The following DNAH7 variants were observed in gnomAD, a reference collection of about 807,000 sequenced individuals.
DNAH7 encodes axonemal beta dynein heavy chain 7.
A neutral mutation model predicts 444.6 loss-of-function variants in DNAH7; 397 were observed. The observed-to-expected ratio is 0.89, with a 90% confidence interval of 0.82 to 0.97. The LOEUF (loss-of-function observed/expected upper bound fraction) is 0.97. Ranked by LOEUF, DNAH7 falls within the 50% of genes least tolerant of loss-of-function variation. The pLI is 0.00. For synonymous variants in DNAH7, 1,636 were observed against 1,624.4 expected, an observed-to-expected ratio of 1.01 and a Z score of -0.17; for missense variants, 4,902 against 4,800.8, an observed-to-expected ratio of 1.02 and a Z score of -0.62.
At chr2:196,027,226 T>C (rs1695745388) in intron 6 of DNAH7, among the ~76,000 whole-genome samples, 1 of 152,030 alleles carries the variant, frequency 6.6e-6, no homozygotes, top group South Asian at 2.1e-4. Flanking sequence ...GCTGAATTAG[T>C]GTTTTGTTAA....
intron 55 of DNAH7, among the ~76,000 whole-genome samples, chr2:195,798,200 G>A (rs922901825): frequency 2.0e-5 from 3 of 151,942 alleles, no homozygotes; most frequent in African/African-American, 7.3e-5. Flanking sequence ...TGGCCTTTGA[G>A]GAGATACTTA....
Position 196,057,501 on chromosome 2 carries a change from C to G in DNAH7, c.78+553G>C, listed in dbSNP as rs529139876. ...CAGAACTAAAAAAAATGCTTTGATT[C>G]TATTTTGTAGAACTTTTGGTAATCT... is the stretch of plus-strand genomic sequence containing the variant. On this transcript the variant is annotated intron_variant, in intron 2 of 64. Transcript: ENST00000312428. Among the ~76,000 whole-genome samples, 438 of 152,196 alleles carry G rather than the reference C, an allele frequency of 2.9e-3. 1 individual carries two copies. Among genetic ancestry groups the G allele is most frequent in the Non-Finnish European group, 4.9e-3 (331 of 67,972 alleles).
intron 35 of DNAH7, among the ~76,000 whole-genome samples, chr2:195,882,248 A>G (rs1464212090): frequency 6.6e-6 from 1 of 152,226 alleles, no homozygotes; most frequent in Non-Finnish European, 1.5e-5. Context: ...GCTTATGCCA[A>G]CCTAATAATC....
intron 10 of DNAH7, among the ~76,000 whole-genome samples, chr2:196,006,577 CA>C (rs1459927392): frequency 6.9e-6 from 1 of 144,660 alleles, no homozygotes; most frequent in Non-Finnish European, 1.5e-5. Context: ...AAAAAAAAAA[CA>C]TATCCAGATA....
intron 63 of DNAH7, among the ~76,000 whole-genome samples, chr2:195,747,945 C>T (rs1176329044): frequency 1.3e-5 from 2 of 152,200 alleles, no homozygotes; most frequent in African/African-American, 2.4e-5. Context: ...TGCCCTCTCT[C>T]ACCACTCGTA....
intron 9 of DNAH7, among the ~76,000 whole-genome samples, chr2:196,018,019 T>G (rs1695136365): frequency 6.6e-6 from 1 of 152,102 alleles, no homozygotes; most frequent in African/African-American, 2.4e-5. Flanking sequence ...TAAACCTAAG[T>G]TTTAGCAGTT....
chr2:195,800,463 G>A (rs1406143732), intron 54 of DNAH7, among the ~76,000 whole-genome samples: 20 of 152,116 alleles, frequency 1.3e-4, no homozygotes, highest in Admixed American at 1.2e-3. Context: ...TTGTTAATTC[G>A]GCTTGGTTGT....
intron 14 of DNAH7, 99 bp from the exon 15 acceptor site, chr2:195,984,809 T>TA (rs1692800123): frequency 3.6e-6 from 4 of 1,113,682 alleles, no homozygotes; most frequent in Non-Finnish European, 3.9e-6. Flanking sequence ...GCATGAAAAA[T>TA]AAAAACTATA....
intron 15 of DNAH7, among the ~76,000 whole-genome samples, chr2:195,974,300 TTTAG>T (rs1473645833): frequency 3.3e-5 from 5 of 152,214 alleles, no homozygotes; most frequent in Non-Finnish European, 5.9e-5. Flanking sequence ...TTTTTGATAA[TTTAG>T]TTAATCAGCT....
At chr2:195,901,171 A>C (rs1686682511) in intron 27 of DNAH7, 1 of 152,134 alleles carries the variant, frequency 6.6e-6, no homozygotes, top group Non-Finnish European at 1.5e-5. Context: ...GAAAACAGAA[A>C]AAGTATATAT....
At chr2:195,884,513 C>T (rs1001622083) in intron 35 of DNAH7, 72 bp downstream of exon 35, 7 of 1,097,648 alleles carry the variant, frequency 6.4e-6, no homozygotes, top group African/African-American at 6.2e-5. Context: ...GCCACAGGGC[C>T]ATTATATGCT....
At chr2:196,030,495 A>G (rs1695983209) in intron 5 of DNAH7, among the ~76,000 whole-genome samples, 1 of 152,208 alleles carries the variant, frequency 6.6e-6, no homozygotes, top group Non-Finnish European at 1.5e-5. Flanking sequence ...CTAAAGTCTT[A>G]ACTCATTTCA....
chr2:196,045,243 G>A (rs914797533), intron 5 of DNAH7, among the ~76,000 whole-genome samples: 4 of 148,450 alleles, frequency 2.7e-5, no homozygotes, highest in Admixed American at 2.0e-4. Flanking sequence ...AAGAGAGGGA[G>A]GGAAGAAAAA....
chr2:195,778,844 CTTTTTT>C (rs11286753), intron 58 of DNAH7, among the ~76,000 whole-genome samples: 2 of 125,912 alleles, frequency 1.6e-5, no homozygotes, highest in African/African-American at 3.0e-5. Context: ...CAATTGTACA[CTTTTTT>C]TTTTTTTTTT....
At chr2:195,762,908 C>T (rs1024252127) in intron 61 of DNAH7, among the ~76,000 whole-genome samples, 18 of 152,108 alleles carry the variant, frequency 1.2e-4, no homozygotes, top group African/African-American at 4.3e-4. Context: ...ACGTCTCATC[C>T]AGTGGCTGCA....
At chr2:195,873,272 G>T (rs1025238121) in intron 39 of DNAH7, among the ~76,000 whole-genome samples, 1 of 152,176 alleles carries the variant, frequency 6.6e-6, no homozygotes, top group African/African-American at 2.4e-5. Flanking sequence ...TTCTACTAGA[G>T]GGTATCAAAG....
intron 1 of DNAH7, among the ~76,000 whole-genome samples, chr2:196,066,733 G>C (rs1346316347): frequency 6.6e-6 from 1 of 152,162 alleles, no homozygotes; most frequent in Admixed American, 6.5e-5. Context: ...CCACTAATGA[G>C]ATGAATATGT....
intron 19 of DNAH7, among the ~76,000 whole-genome samples, chr2:195,956,122 A>G (rs774859191): frequency 6.6e-6 from 1 of 152,204 alleles, no homozygotes; most frequent in African/African-American, 2.4e-5. Context: ...ACGTCAATAC[A>G]GTATTATCAA....
At chr2:196,010,975 T>C (rs1383040963) in intron 10 of DNAH7, among the ~76,000 whole-genome samples, 3 of 152,054 alleles carry the variant, frequency 2.0e-5, no homozygotes, top group Non-Finnish European at 4.4e-5. Context: ...AGGTTGTAAG[T>C]AGAATGGCGG....
Sources: gnomAD v4.1 joint callset for allele counts (sites outside exome capture counted in the v4.1 genomes callset) on GRCh38, gnomAD v4.1.1 for gene constraint, MANE v1.5 for transcripts, NCBI Gene and HGNC (gene_info 2026-07-23, HGNC 2026-07-21) for gene names.